The following DAW1 variants were observed in gnomAD, a reference collection of about 807,000 sequenced individuals.
DAW1 encodes dynein assembly factor with WD repeats 1.
In DAW1, 47 loss-of-function variants were observed where a neutral mutation model predicts 56.5. The ratio of observed to expected loss-of-function variants is 0.83; its 90% CI spans 0.66 to 1.06. The LOEUF is 1.06. Among genes scored for constraint, DAW1 ranks in the 50% least tolerant of loss-of-function variants. DAW1 has a pLI of 0.00. For synonymous variants in DAW1, 190 were observed against 179.0 expected, an observed-to-expected ratio of 1.06 and a Z score of -0.49; for missense variants, 505 against 499.3, an observed-to-expected ratio of 1.01 and a Z score of -0.11.
At chr2:227,885,659 T>A (rs962730120) in intron 2 of DAW1, among the ~76,000 whole-genome samples, 5 of 147,238 alleles carry the variant, frequency 3.4e-5, no homozygotes, top group African/African-American at 5.0e-5. Flanking sequence ...CTTAAAAAAA[T>A]AAACCTTTTA....
At chr2:227,883,666 C>G (rs1466681148) in intron 1 of DAW1, among the ~76,000 whole-genome samples, 1 of 152,148 alleles carries the variant, frequency 6.6e-6, no homozygotes, top group Non-Finnish European at 1.5e-5. Flanking sequence ...TTTTCTTATA[C>G]TTTGTCTAAA....
In DAW1 at chr2:227,921,396, C is replaced by A. The variant is rs1186938157; in HGVS notation, c.1051-3C>A. On this transcript the variant is annotated splice_polypyrimidine_tract_variant and splice_region_variant and intron_variant, in intron 11 of 12. Transcript: ENST00000309931. Reference sequence around the variant, plus strand: ...TGTGATCATTTTTCTTTCTCTTTTGCAGATTTCTTTCAACCCTCAAGGGAA... The same window carrying A: ...TGTGATCATTTTTCTTTCTCTTTTGAAGATTTCTTTCAACCCTCAAGGGAA... The A allele has an allele frequency of 4.4e-6, 6 of 1,361,920 alleles. No homozygotes were observed. The highest frequency in any genetic ancestry group is 1.4e-5 in the South Asian group (1 of 72,454). The allele number at this position is 1,361,920 out of a possible 1,614,324, so 84.4% of individuals were successfully genotyped here.
chr2:227,902,494 GATA>G (rs1691570993), intron 6 of DAW1, among the ~76,000 whole-genome samples: 1 of 152,080 alleles, frequency 6.6e-6, no homozygotes, highest in Non-Finnish European at 1.5e-5. Context: ...TTCTAGAGAA[GATA>G]ATACTAAGGT....
rs1190177712 is a variant in DAW1 at position 227,907,200 on chromosome 2, A to G, written c.921A>G (p.Leu307=). The change falls in exon 10 of 13, where the codon CTA becomes CTG. Residue 307 remains leucine (L), a synonymous_variant. Transcript: ENST00000309931. The stretch of plus-strand genomic sequence containing the variant: ...TAACAGGCCATGATGATGAAATACT[A>G]GACAGCTGCTTTGATTACACTGGAA... The part of the protein sequence containing the change: ...ATLTGHDDEI[L]DSCFDYTGKL... 14 of 1,613,736 alleles carry G rather than the reference A, an allele frequency of 8.7e-6. No homozygotes were observed. Among genetic ancestry groups the G allele is most frequent in the African/African-American group, 1.3e-5 (1 of 74,890 alleles).
chr2:227,913,156 C>T (rs1390166097), intron 10 of DAW1, among the ~76,000 whole-genome samples: 4 of 152,140 alleles, frequency 2.6e-5, no homozygotes, highest in Non-Finnish European at 2.9e-5. Context: ...TTCAGAACCT[C>T]GCATGAGAAG....
rs762644243 is a variant in DAW1 at position 227,889,984 on chromosome 2, C to T, written c.242C>T (p.Thr81Met). Residue 81 changes from threonine (T) to methionine (M), a missense_variant, in exon 3 of 13, where the codon ACG (threonine) becomes ATG (methionine). By Grantham distance (81) the Thr-to-Met change is moderately conservative (BLOSUM62 -1). Transcript: ENST00000309931. ...AAACTCGGCCAGAACAGCAATCACA[C>T]GTTCTATCTTTTTAAGGTAATGGAT... is the stretch of plus-strand genomic sequence containing the variant. Reference protein sequence around the residue: ...QEKLGQNSNHTFYLFKVLKAH... With the variant: ...QEKLGQNSNHMFYLFKVLKAH... The T allele has an allele frequency of 1.1e-5, 18 of 1,587,174 alleles. No individual in the cohort carries two copies. The highest frequency in any genetic ancestry group is 1.1e-4 in the South Asian group (9 of 85,220).
intron 6 of DAW1, among the ~76,000 whole-genome samples, chr2:227,901,027 G>T (rs766831471): frequency 3.9e-5 from 6 of 152,182 alleles, no homozygotes; most frequent in Non-Finnish European, 7.3e-5. Flanking sequence ...CTAGGAGATG[G>T]TATGATCAGC....
At chr2:227,875,736 A>G (rs566743385) in intron 1 of DAW1, among the ~76,000 whole-genome samples, 6 of 152,246 alleles carry the variant, frequency 3.9e-5, no homozygotes, top group Middle Eastern at 6.8e-3. Flanking sequence ...CCTTGGGGCT[A>G]TCTTAATCCA....
chr2:227,912,099 G>GCCATA (rs1469416204), intron 10 of DAW1, among the ~76,000 whole-genome samples: 2 of 152,110 alleles, frequency 1.3e-5, no homozygotes, highest in Non-Finnish European at 2.9e-5. Context: ...ACTCTTCTAT[G>GCCATA]CCATACCATA....
chr2:227,885,505 C>T, intron 2 of DAW1, 82 bp downstream of exon 2: 3 of 1,011,318 alleles, frequency 3.0e-6, no homozygotes, highest in East Asian at 5.2e-5. Flanking sequence ...GCTGCATAAA[C>T]TGCAGATAAT....
At chr2:227,909,612 G>C (rs1238415039) in intron 10 of DAW1, among the ~76,000 whole-genome samples, 1 of 152,034 alleles carries the variant, frequency 6.6e-6, no homozygotes, top group Non-Finnish European at 1.5e-5. Context: ...CTAAAAACTT[G>C]GGGGGACCAA....
chr2:227,891,444 G>A (rs1295068858), intron 4 of DAW1, 131 bp downstream of exon 4: 1 of 734,496 alleles, frequency 1.4e-6, no homozygotes, highest in African/African-American at 1.8e-5. Context: ...GGATACTGAG[G>A]AGAAATATAA....
rs1369230000 is a variant in DAW1, at chr2:227,919,605, A to G, written c.1050+749A>G. Among the ~76,000 whole-genome samples the G allele has an allele frequency of 2.6e-5, 4 of 152,228 alleles. No homozygotes were observed. The East Asian group carries it at 7.7e-4, about 29-fold the overall frequency. The stretch of plus-strand genomic sequence containing the variant: ...GGAAATATGTAAAATTATAATTAAA[A>G]TTAAATTATAAAATTATCCATTTTG... On this transcript the variant is annotated intron_variant, in intron 11 of 12. Coordinates refer to ENST00000309931, the MANE Select transcript of DAW1 (RefSeq NM_178821.3).
chr2:227,877,283 G>A (rs1012910336), intron 1 of DAW1, among the ~76,000 whole-genome samples: 1 of 152,186 alleles, frequency 6.6e-6, no homozygotes, highest in Non-Finnish European at 1.5e-5. Flanking sequence ...CTCCCGAGTA[G>A]CTGAGATTAC....
chr2:227,905,079 G>T, intron 8 of DAW1, 44 bp downstream of exon 8: 4 of 1,539,020 alleles, frequency 2.6e-6, no homozygotes, highest in Non-Finnish European at 3.5e-6. Flanking sequence ...GGATCAGGGG[G>T]TTCAGAAAAC....
intron 10 of DAW1, among the ~76,000 whole-genome samples, chr2:227,911,577 A>G (rs1163742280): frequency 1.3e-5 from 2 of 151,962 alleles, no homozygotes; most frequent in African/African-American, 4.8e-5. Context: ...ATCATGCCCT[A>G]TACAAAGGGC....
At chr2:227,885,146 G>A (rs1171138471) in intron 1 of DAW1, among the ~76,000 whole-genome samples, 1 of 152,084 alleles carries the variant, frequency 6.6e-6, no homozygotes, top group Non-Finnish European at 1.5e-5. Context: ...ACAATTTCAA[G>A]GGTATTTAGT....
In DAW1 at chr2:227,893,864, G is replaced by C. The variant is rs16824157; in HGVS notation, c.387G>C (p.Thr129=). ...CTGCGTCTGGAGAGGAGCTGAACAC[G>C]CTGGAGGGCCACAGGAATGTGGTTT... ...WDTASGEELN[T]LEGHRNVVYA... The change falls in exon 5 of 13, where the codon ACG becomes ACC. Residue 129 remains threonine (T), a synonymous_variant. Coordinates refer to ENST00000309931, the MANE Select transcript of DAW1 (RefSeq NM_178821.3). 0.06 allele frequency: 97,485 copies of C among 1,613,500 alleles called. 3,201 individuals are homozygous for C. The highest frequency in any genetic ancestry group is 0.087 in the Middle Eastern group (528 of 6,060).
intron 6 of DAW1, among the ~76,000 whole-genome samples, chr2:227,900,124 A>G (rs970795532): frequency 1.3e-5 from 2 of 152,214 alleles, no homozygotes; most frequent in African/African-American, 4.8e-5. Flanking sequence ...CCCTTTACAT[A>G]GACAGGTATT....
Sources: gnomAD v4.1 joint callset for allele counts (sites outside exome capture counted in the v4.1 genomes callset) on GRCh38, gnomAD v4.1.1 for gene constraint, MANE v1.5 for transcripts, NCBI Gene and HGNC (gene_info 2026-07-23, HGNC 2026-07-21) for gene names.